Variants in BMP6 observed in about 807,000 individuals in gnomAD.
The protein encoded by BMP6 is bone morphogenetic protein 6, also known as VG-1-R.
BMP6 carries 17 observed loss-of-function variants against 54.1 expected under a neutral mutation model. That is an observed-to-expected ratio of 0.31 (90% confidence interval 0.22 to 0.47). The LOEUF (loss-of-function observed/expected upper bound fraction) is 0.47, where lower values mean the gene tolerates loss of function less well. Among genes scored for constraint, BMP6 ranks in the 20% least tolerant of loss-of-function variants. The pLI is 1.00. For synonymous variants in BMP6, 328 were observed against 291.2 expected (o/e 1.13, Z -1.28); for missense variants, 720 against 690.4 (o/e 1.04, Z -0.48).
chr6:7,740,817 A>G (rs1351753212), intron 1 of BMP6, among the ~76,000 whole-genome samples: 2 of 152,104 alleles, frequency 1.3e-5, no homozygotes, highest in African/African-American at 2.4e-5. Context: ...TCTTCCCATC[A>G]TCTTTTCCAT....
chr6:7,764,862 G>C (rs935271155), intron 1 of BMP6, among the ~76,000 whole-genome samples: 2 of 152,222 alleles, frequency 1.3e-5, no homozygotes, highest in Non-Finnish European at 2.9e-5. Flanking sequence ...GAGTAGGGGA[G>C]TGAGGTCGAG....
At chr6:7,788,198 A>G (rs1278380882) in intron 1 of BMP6, among the ~76,000 whole-genome samples, 2 of 152,232 alleles carry the variant, frequency 1.3e-5, no homozygotes, top group Admixed American at 6.5e-5. Flanking sequence ...CAGGGGCTCA[A>G]TTACCTTTAG....
intron 1 of BMP6, among the ~76,000 whole-genome samples, chr6:7,778,851 C>T (rs1757899040): frequency 6.6e-6 from 1 of 152,218 alleles, no homozygotes; most frequent in South Asian, 2.1e-4. Flanking sequence ...TCTATCATTT[C>T]TGTTACCTCT....
chr6:7,877,366 A>G (rs1193493048), intron 4 of BMP6, among the ~76,000 whole-genome samples: 2 of 152,294 alleles, frequency 1.3e-5, no homozygotes, highest in Middle Eastern at 3.4e-3. Flanking sequence ...TCACACCTGT[A>G]ATCTCAGCAC....
chr6:7,726,670 G>A lies in BMP6; in HGVS notation c.-286G>A, dbSNP rs898740938. The A allele has an allele frequency of 6.2e-6, 1 of 160,642 alleles. No homozygotes were observed. Among genetic ancestry groups the A allele is most frequent in the Admixed American group, 6.4e-5 (1 of 15,550 alleles). 10.0% of individuals were successfully genotyped at this position (160,642 alleles called of 1,614,324 possible). A position where few individuals can be genotyped will look rare whatever the true frequency, so the allele number is the denominator to read the frequency against. ...TGCAGCCCGGACTCAGACGCACCTGGCCTGGACCGCGCGCCTCTAGAGACC... is the reference window on the plus strand; with the variant it reads ...TGCAGCCCGGACTCAGACGCACCTGACCTGGACCGCGCGCCTCTAGAGACC... On this transcript the variant is annotated 5_prime_UTR_variant, in exon 1 of 7. Transcript: ENST00000283147.
chr6:7,866,168 A>G (rs947476345), intron 4 of BMP6, among the ~76,000 whole-genome samples: 3 of 152,222 alleles, frequency 2.0e-5, no homozygotes, highest in African/African-American at 7.2e-5. Flanking sequence ...CTCTAAATGA[A>G]GGCTGGATGT....
chr6:7,775,060 A>T (rs1015738938), intron 1 of BMP6, among the ~76,000 whole-genome samples: 5 of 152,226 alleles, frequency 3.3e-5, no homozygotes, highest in Admixed American at 6.5e-5. Context: ...CAATAATGGC[A>T]TTAATCCATT....
At chr6:7,796,722 C>G (rs898808265) in intron 1 of BMP6, among the ~76,000 whole-genome samples, 1 of 152,110 alleles carries the variant, frequency 6.6e-6, no homozygotes, top group African/African-American at 2.4e-5. Flanking sequence ...AGAACCAATA[C>G]ATAATGGAAT....
chr6:7,757,099 A>C (rs539627746), intron 1 of BMP6, among the ~76,000 whole-genome samples: 1 of 152,256 alleles, frequency 6.6e-6, no homozygotes, highest in South Asian at 2.1e-4. Flanking sequence ...TGTCTTCTAA[A>C]CTCAATGAGA....
intron 2 of BMP6, among the ~76,000 whole-genome samples, chr6:7,855,553 CTTTTT>C (rs778898901): frequency 1.2e-4 from 13 of 105,048 alleles, no homozygotes; most frequent in African/African-American, 3.0e-4. Context: ...CTCTCTCTCT[CTTTTT>C]TTTTTTTTTT....
At chr6:7,822,821 T>A (rs1758632246) in intron 1 of BMP6, among the ~76,000 whole-genome samples, 1 of 152,228 alleles carries the variant, frequency 6.6e-6, no homozygotes, top group South Asian at 2.1e-4. Flanking sequence ...GTTTTGGATC[T>A]TAAGCCATAG....
At chr6:7,755,689 TCTG>T (rs1757504154) in intron 1 of BMP6, among the ~76,000 whole-genome samples, 1 of 152,062 alleles carries the variant, frequency 6.6e-6, no homozygotes, top group Non-Finnish European at 1.5e-5. Flanking sequence ...TCATGTTCCT[TCTG>T]CTTGAAGAAC....
intron 1 of BMP6, among the ~76,000 whole-genome samples, chr6:7,738,144 T>C (rs1322508127): frequency 6.6e-6 from 1 of 152,216 alleles, no homozygotes; most frequent in Admixed American, 6.5e-5. Context: ...TATTCCTCTC[T>C]TTGAGGTTTA....
chr6:7,769,661 G>A (rs923948444), intron 1 of BMP6, among the ~76,000 whole-genome samples: 8 of 152,048 alleles, frequency 5.3e-5, no homozygotes, highest in Admixed American at 3.9e-4. Context: ...GAATTTCAGG[G>A]GGAAGAAACA....
chr6:7,803,947 T>C (rs1331652288), intron 1 of BMP6, among the ~76,000 whole-genome samples: 1 of 152,214 alleles, frequency 6.6e-6, no homozygotes, highest in African/African-American at 2.4e-5. Flanking sequence ...TTTCCCCTCT[T>C]GAAATCAGAT....
intron 1 of BMP6, among the ~76,000 whole-genome samples, chr6:7,800,121 T>C (rs1014989678): frequency 7.0e-6 from 1 of 142,196 alleles, no homozygotes; most frequent in Non-Finnish European, 1.5e-5. Context: ...TGTGTGTGTG[T>C]GATCTAAAAG....
rs1474870793 is a variant in BMP6, at chr6:7,727,141, C to T, written c.186C>T (p.Ser62=). ...AGCAGCCGCCGCCGTCGCCGCAGTC[C>T]TCCTCGGGCTTCCTGTACCGGCGGC... ...RTEQPPPSPQ[S]SSGFLYRRLK... The change falls in exon 1 of 7, where the codon TCC becomes TCT. Residue 62 remains serine (S), a synonymous_variant. Coordinates refer to ENST00000283147, the MANE Select transcript of BMP6 (RefSeq NM_001718.6). The T allele has an allele frequency of 3.2e-6, 5 of 1,565,358 alleles. No homozygotes were observed. Among genetic ancestry groups the T allele is most frequent in the African/African-American group, 1.4e-5 (1 of 72,026 alleles).
intron 4 of BMP6, among the ~76,000 whole-genome samples, chr6:7,873,615 T>C (rs1759563849): frequency 6.6e-6 from 1 of 152,058 alleles, no homozygotes. Flanking sequence ...TCCAACCCCC[T>C]AATCCTGTGC....
At chr6:7,876,263 TTTTTATCTCTGGATTAC>T (rs1260574641) in intron 4 of BMP6, among the ~76,000 whole-genome samples, 7 of 152,226 alleles carry the variant, frequency 4.6e-5, no homozygotes, top group African/African-American at 1.7e-4. Context: ...AGTAATTTTC[TTTTTATCTCTGGATTAC>T]TTTTAAGAAT....
Sources: allele counts gnomAD v4.1 joint callset (sites outside exome capture counted in the v4.1 genomes callset), GRCh38; gene constraint gnomAD v4.1.1; transcripts MANE v1.5; gene names NCBI Gene and HGNC (gene_info 2026-07-23, HGNC 2026-07-21).